The following PIK3C2A variants were observed in gnomAD, a reference collection of about 807,000 sequenced individuals.
The protein encoded by PIK3C2A is phosphatidylinositol 4-phosphate 3-kinase C2 domain-containing subunit alpha.
Under a neutral mutation model 204.5 loss-of-function variants are expected in PIK3C2A, and 97 were observed. The observed-to-expected ratio is 0.47, with a 90% CI of 0.40 to 0.56. PIK3C2A has a LOEUF of 0.56. PIK3C2A is among the 20% of genes least tolerant of loss of function. PIK3C2A has a pLI of 0.00. For synonymous variants in PIK3C2A, 653 were observed against 664.4 expected, an observed-to-expected ratio of 0.98 and a Z score of 0.26; for missense variants, 1,735 against 1,969.2, an observed-to-expected ratio of 0.88 and a Z score of 2.25.
chr11:17,181,695 A>ACACACACACACACAC (rs1851572468), intron 1 of PIK3C2A, among the ~76,000 whole-genome samples: 1 of 107,936 alleles, frequency 9.3e-6, no homozygotes, highest in Admixed American at 9.1e-5. Flanking sequence ...CACACACACA[A>ACACACACACACACAC]ACACACACAC....
chr11:17,155,698 CA>C, intron 2 of PIK3C2A, 69 bp from the exon 3 acceptor site: 1 of 764,046 alleles, frequency 1.3e-6, no homozygotes, highest in Non-Finnish European at 2.2e-6. Context: ...CAGCACAGCA[CA>C]AACACATTTT....
At chr11:17,144,490 G>C (rs1279750130) in intron 8 of PIK3C2A, among the ~76,000 whole-genome samples, 1 of 152,124 alleles carries the variant, frequency 6.6e-6, no homozygotes, top group African/African-American at 2.4e-5. Flanking sequence ...TGAACTGAAG[G>C]TTCTTCTTGG....
chr11:17,165,559 T>C (rs1351162572), intron 2 of PIK3C2A, among the ~76,000 whole-genome samples: 1 of 151,992 alleles, frequency 6.6e-6, no homozygotes, highest in Non-Finnish European at 1.5e-5. Context: ...GCAGATCACC[T>C]GAGGTCGGGA....
chr11:17,151,422 G>A (rs371033212), intron 3 of PIK3C2A, among the ~76,000 whole-genome samples: 3 of 152,282 alleles, frequency 2.0e-5, no homozygotes, highest in Non-Finnish European at 4.4e-5. Flanking sequence ...TGAATGGAAT[G>A]AATGCTAGAA....
chr11:17,149,889 T>C (rs1387791040), intron 4 of PIK3C2A, among the ~76,000 whole-genome samples: 3 of 152,118 alleles, frequency 2.0e-5, no homozygotes, highest in African/African-American at 7.2e-5. Context: ...GTCATAACCA[T>C]TAAAGAATAA....
At chr11:17,127,296 T>A (rs1214508207) in intron 13 of PIK3C2A, among the ~76,000 whole-genome samples, 1 of 152,070 alleles carries the variant, frequency 6.6e-6, no homozygotes, top group African/African-American at 2.4e-5. Flanking sequence ...AAAATATTTT[T>A]AAAATAAATA....
intron 32 of PIK3C2A, among the ~76,000 whole-genome samples, chr11:17,090,529 A>G (rs1318726215): frequency 6.6e-6 from 1 of 152,166 alleles, no homozygotes. Context: ...ATCTAAGACA[A>G]ACTGAATAGT....
At chr11:17,154,941 G>T (rs916792954) in intron 3 of PIK3C2A, among the ~76,000 whole-genome samples, 1 of 152,126 alleles carries the variant, frequency 6.6e-6, no homozygotes, top group Non-Finnish European at 1.5e-5. Flanking sequence ...ATAATGGGAA[G>T]AAAACATGCT....
At chr11:17,164,409 G>T (rs558776463) in intron 2 of PIK3C2A, among the ~76,000 whole-genome samples, 1 of 151,872 alleles carries the variant, frequency 6.6e-6, no homozygotes, top group Admixed American at 6.6e-5. Context: ...CCCCTCTTAG[G>T]ATATACTCAA....
intron 6 of PIK3C2A, among the ~76,000 whole-genome samples, chr11:17,146,173 G>A (rs550850827): frequency 6.6e-6 from 1 of 152,160 alleles, no homozygotes; most frequent in South Asian, 2.1e-4. Context: ...ATGCTTTCAA[G>A]CCTACTTTCA....
At chr11:17,109,368 T>C (rs1544609) in intron 22 of PIK3C2A, among the ~76,000 whole-genome samples, 16,587 of 152,182 alleles carry the variant, frequency 0.11, 966 homozygotes, top group Middle Eastern at 0.22. Flanking sequence ...CAACAAACAT[T>C]TGTTGAATAA....
chr11:17,090,239 C>A (rs1394188369), intron 32 of PIK3C2A, among the ~76,000 whole-genome samples: 1 of 152,136 alleles, frequency 6.6e-6, no homozygotes, highest in African/African-American at 2.4e-5. Context: ...GAGGCTGAGG[C>A]GGGTAGATCA....
intron 26 of PIK3C2A, 73 bp downstream of exon 26, chr11:17,099,787 T>A (rs1222855565): frequency 4.3e-6 from 3 of 700,634 alleles, no homozygotes; most frequent in Non-Finnish European, 7.5e-6. Flanking sequence ...AAATAGCATT[T>A]GTTTAAACTA....
intron 1 of PIK3C2A, among the ~76,000 whole-genome samples, chr11:17,195,087 T>C (rs1852101658): frequency 1.3e-5 from 2 of 152,140 alleles, no homozygotes; most frequent in Admixed American, 1.3e-4. Context: ...TTTTACCCTG[T>C]GGATTTCTTG....
Position 17,131,920 on chromosome 11 carries a change from C to T in PIK3C2A, c.2227G>A (p.Glu743Lys). The change falls in exon 12 of 33, where the codon GAA becomes AAA. Residue 743 changes from glutamate (E) to lysine (K), a missense_variant. Transcript: ENST00000691414. ...KNFFYLIKWD[E>K]LIIFPIQISQ... ...AAAGCCAGAAATTTCACTTACAGTT[C>T]ATCCCATTTAATAAGATAGAAGAAA... 1 of 1,601,102 alleles carries T rather than the reference C, an allele frequency of 6.2e-7. No homozygotes were observed. Among genetic ancestry groups the T allele is most frequent in the Non-Finnish European group, 8.5e-7 (1 of 1,175,044 alleles).
At chr11:17,193,011 G>A (rs1203093164) in intron 1 of PIK3C2A, among the ~76,000 whole-genome samples, 1 of 119,314 alleles carries the variant, frequency 8.4e-6, no homozygotes, top group Non-Finnish European at 2.0e-5. Flanking sequence ...ATAATTGTGG[G>A]ATTAATACCA....
intron 13 of PIK3C2A, among the ~76,000 whole-genome samples, chr11:17,126,292 T>G (rs181168434): frequency 1.3e-5 from 2 of 152,096 alleles, no homozygotes; most frequent in Admixed American, 6.5e-5. Context: ...CTCACGCCTA[T>G]AATCTGAGCT....
chr11:17,199,753 T>C (rs969807495), intron 1 of PIK3C2A, among the ~76,000 whole-genome samples: 2 of 152,078 alleles, frequency 1.3e-5, no homozygotes, highest in African/African-American at 2.4e-5. Context: ...GGTGAAACCC[T>C]GTCTCTATTA....
chr11:17,133,264 C>T (rs527543257), intron 11 of PIK3C2A, among the ~76,000 whole-genome samples: 2 of 149,492 alleles, frequency 1.3e-5, no homozygotes, highest in East Asian at 3.9e-4. Context: ...TATGTACAAA[C>T]GTGTGTGTGT....
Sources: allele counts gnomAD v4.1 joint callset (sites outside exome capture counted in the v4.1 genomes callset), GRCh38; gene constraint gnomAD v4.1.1; transcripts MANE v1.5; gene names NCBI Gene and HGNC (gene_info 2026-07-23, HGNC 2026-07-21).